The following MDGA2 variants were observed in gnomAD, a reference collection of about 807,000 sequenced individuals.
The protein encoded by MDGA2 is MAM domain-containing glycosylphosphatidylinositol anchor protein 2.
Under a neutral mutation model 117.8 loss-of-function variants are expected in MDGA2, and 40 were observed. The ratio of observed to expected loss-of-function variants is 0.34; its 90% CI spans 0.26 to 0.44. The LOEUF (loss-of-function observed/expected upper bound fraction) is 0.44, where lower values mean the gene tolerates loss of function less well. Ranked by LOEUF, MDGA2 falls within the 20% of genes least tolerant of loss-of-function variation. MDGA2 has a pLI of 1.00. For synonymous variants in MDGA2, 452 were observed against 439.0 expected (o/e 1.03, Z -0.37); for missense variants, 1,123 against 1,250.6 (o/e 0.90, Z 1.54).
intron 1 of MDGA2, among the ~76,000 whole-genome samples, chr14:47,394,164 T>C (rs1347753181): frequency 6.6e-6 from 1 of 152,186 alleles, no homozygotes; most frequent in Non-Finnish European, 1.5e-5. Flanking sequence ...TTTGTTAGCA[T>C]GTGGCATTCC....
intron 1 of MDGA2, among the ~76,000 whole-genome samples, chr14:47,406,003 T>C (rs886788145): frequency 1.3e-4 from 20 of 152,136 alleles, no homozygotes; most frequent in African/African-American, 4.8e-4. Context: ...TCCTATAAAG[T>C]ATAAATGTCT....
At chr14:46,913,019 C>G (rs1883764275) in intron 10 of MDGA2, among the ~76,000 whole-genome samples, 1 of 151,980 alleles carries the variant, frequency 6.6e-6, no homozygotes, top group Admixed American at 6.6e-5. Context: ...CCTTCATTCT[C>G]TCTCATCTCT....
intron 1 of MDGA2, among the ~76,000 whole-genome samples, chr14:47,667,330 G>A (rs1352590204): frequency 6.6e-6 from 1 of 152,166 alleles, no homozygotes; most frequent in Non-Finnish European, 1.5e-5. Flanking sequence ...GTTACACTCA[G>A]GAGTAAAAGA....
intron 14 of MDGA2, among the ~76,000 whole-genome samples, chr14:46,868,471 A>C (rs1881866267): frequency 6.6e-6 from 1 of 151,784 alleles, no homozygotes; most frequent in Non-Finnish European, 1.5e-5. Context: ...GGCACAAGAG[A>C]GCTTTACCCG....
intron 6 of MDGA2, among the ~76,000 whole-genome samples, chr14:47,084,094 CCAA>C (rs1034016162): frequency 2.6e-5 from 4 of 151,996 alleles, no homozygotes; most frequent in African/African-American, 9.7e-5. Flanking sequence ...GAGCATTATC[CCAA>C]CAACAGAAGA....
At chr14:47,249,499 T>C (rs1189549098) in intron 2 of MDGA2, among the ~76,000 whole-genome samples, 3 of 152,098 alleles carry the variant, frequency 2.0e-5, no homozygotes, top group Non-Finnish European at 4.4e-5. Flanking sequence ...ATTATATATG[T>C]ATATTTTAAA....
intron 3 of MDGA2, among the ~76,000 whole-genome samples, chr14:47,196,790 G>A (rs1275433076): frequency 6.6e-6 from 1 of 152,124 alleles, no homozygotes; most frequent in Non-Finnish European, 1.5e-5. Context: ...ATACCTAATA[G>A]GTAGCCTTTC....
intron 1 of MDGA2, among the ~76,000 whole-genome samples, chr14:47,388,774 G>A (rs1891817875): frequency 6.6e-6 from 1 of 152,110 alleles, no homozygotes; most frequent in South Asian, 2.1e-4. Flanking sequence ...AGAAGCCTAG[G>A]GAGGAGGATA....
At chr14:46,858,413 TC>T (rs1881361435) in intron 14 of MDGA2, among the ~76,000 whole-genome samples, 4 of 145,368 alleles carry the variant, frequency 2.8e-5, no homozygotes, top group African/African-American at 1.0e-4. Flanking sequence ...CTTTTCTTTT[TC>T]TTTTTCTTTT....
intron 1 of MDGA2, among the ~76,000 whole-genome samples, chr14:47,490,303 T>C (rs908614778): frequency 6.6e-6 from 1 of 152,126 alleles, no homozygotes; most frequent in African/African-American, 2.4e-5. Flanking sequence ...CCAGCACTAG[T>C]ATGCATATAT....
chr14:47,466,998 C>T (rs1329673346), intron 1 of MDGA2, among the ~76,000 whole-genome samples: 1 of 152,022 alleles, frequency 6.6e-6, no homozygotes, highest in Non-Finnish European at 1.5e-5. Context: ...GTTTGAGACA[C>T]ACCACCAGCT....
At chr14:47,089,971 G>T (rs1051699912) in intron 6 of MDGA2, among the ~76,000 whole-genome samples, 1 of 152,110 alleles carries the variant, frequency 6.6e-6, no homozygotes, top group African/African-American at 2.4e-5. Flanking sequence ...ATCAGTGTTA[G>T]TTATTACTAT....
At chr14:47,405,794 C>T (rs976534140) in intron 1 of MDGA2, among the ~76,000 whole-genome samples, 2 of 152,118 alleles carry the variant, frequency 1.3e-5, no homozygotes, top group African/African-American at 4.8e-5. Flanking sequence ...ATAAATGACA[C>T]ATGAAGCAAT....
In MDGA2 at chr14:47,290,448, C is replaced by G. The variant is rs61993085; in HGVS notation, c.420+10963G>C. ...AAAATAAATTTCTATTGTTTATAAGCCACCCAGTTTATGTTATTTTGTTAT... is the reference window on the plus strand; with the variant it reads ...AAAATAAATTTCTATTGTTTATAAGGCACCCAGTTTATGTTATTTTGTTAT... On this transcript the variant is annotated intron_variant, in intron 2 of 16. Transcript: ENST00000399232. Among the ~76,000 whole-genome samples, 432 of 152,160 alleles carry G rather than the reference C, an allele frequency of 2.8e-3. 3 individuals are homozygous for G. Among genetic ancestry groups the G allele is most frequent in the Non-Finnish European group, 4.0e-3 (271 of 67,990 alleles).
intron 1 of MDGA2, among the ~76,000 whole-genome samples, chr14:47,572,780 A>G (rs1896044481): frequency 6.6e-6 from 1 of 152,228 alleles, no homozygotes; most frequent in Admixed American, 6.5e-5. Context: ...ATGGAAAATT[A>G]ACTGGCCCAT....
intron 1 of MDGA2, among the ~76,000 whole-genome samples, chr14:47,339,226 A>G (rs372152681): frequency 6.6e-6 from 1 of 152,144 alleles, no homozygotes; most frequent in African/African-American, 2.4e-5. Flanking sequence ...AAAATGAAAC[A>G]CTATTTTTTG....
At chr14:47,649,018 C>T (rs1897588529) in intron 1 of MDGA2, among the ~76,000 whole-genome samples, 1 of 151,948 alleles carries the variant, frequency 6.6e-6, no homozygotes, top group Admixed American at 6.6e-5. Context: ...TGTCTAGTAC[C>T]TAGAGGAAAT....
chr14:47,491,528 TAA>T (rs974660246), intron 1 of MDGA2, among the ~76,000 whole-genome samples: 3 of 152,254 alleles, frequency 2.0e-5, no homozygotes, highest in African/African-American at 4.8e-5. Flanking sequence ...AATCTCTGCT[TAA>T]GCAGAAGACT....
intron 8 of MDGA2, among the ~76,000 whole-genome samples, chr14:46,960,231 T>A (rs1226396919): frequency 1.3e-5 from 2 of 151,792 alleles, no homozygotes; most frequent in African/African-American, 4.8e-5. Flanking sequence ...AAAAAAAAAA[T>A]TATATTGTAC....
Sources: gnomAD v4.1 joint callset for allele counts (sites outside exome capture counted in the v4.1 genomes callset) on GRCh38, gnomAD v4.1.1 for gene constraint, MANE v1.5 for transcripts, NCBI Gene and HGNC (gene_info 2026-07-23, HGNC 2026-07-21) for gene names.